Variants in CHRNA4 observed in about 807,000 individuals in gnomAD.
CHRNA4 encodes the protein neuronal acetylcholine receptor subunit alpha-4.
CHRNA4 carries 28 observed loss-of-function variants against 48.9 expected under a neutral mutation model. The observed-to-expected ratio is 0.57, with a 90% confidence interval of 0.42 to 0.79. CHRNA4 has a LOEUF of 0.79. CHRNA4 is among the 30% of genes least tolerant of loss of function. CHRNA4 has a pLI of 0.00. For missense variants in CHRNA4, 859 were observed against 898.4 expected (o/e 0.96, Z 0.56); for synonymous variants, 425 against 402.3 (o/e 1.06, Z -0.68).
At chr20:63,356,140 G>A (rs1324952677) in intron 3 of CHRNA4, 56 bp from the exon 4 acceptor site, 1 of 729,844 alleles carries the variant, frequency 1.4e-6, no homozygotes, top group Non-Finnish European at 2.1e-6. Flanking sequence ...GGGAGGGCAG[G>A]GGCGGGACAG....
chr20:63,344,899 G>A lies in CHRNA4; in HGVS notation c.*1839C>T, dbSNP rs531245810. ...ATGGGGTCCTGAATACACGGGGGATGTGGGAGGGGCCAGGGGGCTGGGGAT... is the reference window on the plus strand; with the variant it reads ...ATGGGGTCCTGAATACACGGGGGATATGGGAGGGGCCAGGGGGCTGGGGAT... On this transcript the variant is annotated 3_prime_UTR_variant, in exon 6 of 6. Transcript: ENST00000370263. The surrounding 1 kb of genome is among the most constrained non-coding windows in gnomAD (Gnocchi z 4.5). The A allele has an allele frequency of 2.5e-6, 1 of 407,636 alleles. No homozygotes were observed. Among genetic ancestry groups the A allele is most frequent in the East Asian group, 7.2e-5 (1 of 13,914 alleles). The allele number at this position is 407,636 out of a possible 1,614,324, so 25.3% of individuals were successfully genotyped here.
chr20:63,358,964 T>A (rs919703354), intron 2 of CHRNA4, among the ~76,000 whole-genome samples: 1 of 152,148 alleles, frequency 6.6e-6, no homozygotes, highest in African/African-American at 2.4e-5. Context: ...TGGGGCTCCA[T>A]GTGCACTGGC....
At position 63,344,489 on chromosome 20, in the gene CHRNA4, A is replaced by G. The variant is rs1211105051; in HGVS notation, c.*2249T>C. 2.1e-5 allele frequency: 9 copies of G among 433,014 alleles called. No individual in the cohort carries two copies. The highest frequency in any genetic ancestry group is 1.2e-4 in the Admixed American group (5 of 40,152). The allele number at this position is 433,014 out of a possible 1,614,324, so 26.8% of individuals were successfully genotyped here. Reference sequence around the variant, plus strand: ...GTGCTTTATTTGGATTTTTTTTTTGAGCCTCAAAAAAAAAAAGAAAGGGAA... The same window carrying G: ...GTGCTTTATTTGGATTTTTTTTTTGGGCCTCAAAAAAAAAAAGAAAGGGAA... On this transcript the variant is annotated 3_prime_UTR_variant, in exon 6 of 6. Transcript: ENST00000370263. The surrounding 1 kb of genome is among the most constrained non-coding windows in gnomAD (Gnocchi z 4.5).
In CHRNA4 at chr20:63,349,973, C is replaced by G; in HGVS notation, c.1438G>C (p.Gly480Arg). ...HMSSPGEAVE[G>R]GVRCRSRSIQ... The stretch of plus-strand genomic sequence containing the variant: ...CTCCGAGACCGGCACCGGACGCCGC[C>G]TTCCACCGCTTCGCCAGGGCTGGAC... The change falls in exon 5 of 6, where the codon GGC becomes CGC. Residue 480 changes from glycine (G) to arginine (R), a missense_variant. Physicochemically the swap from Gly to Arg is moderately radical, Grantham distance 125. Transcript: ENST00000370263. 6.4e-7 allele frequency: 1 copy of G among 1,554,614 alleles called. No homozygotes were observed. The highest frequency in any genetic ancestry group is 8.7e-7 in the Non-Finnish European group (1 of 1,148,592).
intron 5 of CHRNA4, among the ~76,000 whole-genome samples, chr20:63,348,441 G>C (rs6062899): frequency 1.5e-4 from 23 of 152,068 alleles, no homozygotes; most frequent in Non-Finnish European, 2.8e-4. Flanking sequence ...GGCTGTGTGG[G>C]GCGAGCAACT....
rs111286066 is a variant in CHRNA4 at position 63,349,889 on chromosome 20, C to T, written c.1522G>A (p.Gly508Ser). Residue 508 changes from glycine to serine, a missense_variant, in exon 5 of 6, where the codon GGC becomes AGC. Gly to Ser is a moderately conservative substitution (Grantham distance 56, BLOSUM62 0). Coordinates refer to ENST00000370263, the MANE Select transcript of CHRNA4 (RefSeq NM_000744.7). ...AAPEADGQAAGALASRNTHSA... is the reference protein window; with the variant it reads ...AAPEADGQAASALASRNTHSA... ...TGGGTGTTGCGAGAGGCCAGGGCGCCGGCAGCCTGGCCATCTGCCTCGGGG... is the reference window on the plus strand; with the variant it reads ...TGGGTGTTGCGAGAGGCCAGGGCGCTGGCAGCCTGGCCATCTGCCTCGGGG... The T allele has an allele frequency of 1.2e-5, 19 of 1,592,274 alleles. No individual in the cohort carries two copies. The Admixed American group carries it at 1.5e-4, about 13-fold the overall frequency.
rs942959830 is a variant in CHRNA4 at position 63,343,953 on chromosome 20, T to C, written c.*2785A>G. 1.3e-5 allele frequency: 6 copies of C among 454,018 alleles called. No homozygotes were observed. In the Admixed American group the frequency reaches 1.4e-4, roughly 11 times the overall value. The allele number at this position is 454,018 out of a possible 1,614,324, so 28.1% of individuals were successfully genotyped here. On this transcript the variant is annotated 3_prime_UTR_variant, in exon 6 of 6. Transcript: ENST00000370263. ...GAGGAGCAGTCCTGGGTCTGAAAGA[T>C]GTTAAAACATTAACAGATGCAGAAA...
chr20:63,349,623 G>A (rs753761249), intron 5 of CHRNA4, 30 bp downstream of exon 5: 12 of 1,611,914 alleles, frequency 7.4e-6, no homozygotes, highest in Admixed American at 5.0e-5. Flanking sequence ...TGGGTCAGAG[G>A]CGCCCAACAC....
chr20:63,358,813 G>A (rs1054694032), intron 2 of CHRNA4, among the ~76,000 whole-genome samples: 3 of 152,130 alleles, frequency 2.0e-5, no homozygotes, highest in African/African-American at 4.8e-5. Flanking sequence ...CCCCTTACCC[G>A]GCCCCTCCAG....
In CHRNA4 at chr20:63,346,021, G is replaced by A. The variant is rs45556643; in HGVS notation, c.*717C>T. 21,626 of 453,972 alleles carry A rather than the reference G, an allele frequency of 0.048. 694 individuals are homozygous for A. The highest frequency in any genetic ancestry group is 0.091 in the Middle Eastern group (131 of 1,444). The allele number at this position is 453,972 out of a possible 1,614,324, so 28.1% of individuals were successfully genotyped here. A position where few individuals can be genotyped will look rare whatever the true frequency, so the allele number is the denominator to read the frequency against. ...CTGGGTGTTCCTGTCCCCCGCGGAG[G>A]GCCTGCGCAGGGGAGAGCTGGTCCC... is the stretch of plus-strand genomic sequence containing the variant. On this transcript the variant is annotated 3_prime_UTR_variant, in exon 6 of 6. Transcript: ENST00000370263.
Position 63,350,126 on chromosome 20 carries a change from G to A in CHRNA4, c.1285C>T (p.Leu429Phe), listed in dbSNP as rs1316263584. The A allele has an allele frequency of 3.2e-6, 5 of 1,559,032 alleles. No individual in the cohort carries two copies. Among genetic ancestry groups the A allele is most frequent in the Middle Eastern group, 3.4e-4 (2 of 5,848 alleles). Reference sequence around the variant, plus strand: ...GCTTCCAGGGGCTGCTGAGGAGGGAGCTGGTCGGAGGGTGACTTGCAGGAA... The same window carrying A: ...GCTTCCAGGGGCTGCTGAGGAGGGAACTGGTCGGAGGGTGACTTGCAGGAA... ...GPSCKSPSDQ[L>F]PPQQPLEAEK... Residue 429 changes from leucine (L) to phenylalanine (F), a missense_variant, in exon 5 of 6, where the codon CTC becomes TTC. Leu to Phe is a conservative substitution (Grantham distance 22). Around this residue, in one of 3 missense-constraint regions of CHRNA4, gnomAD observed 478 missense variants for 455.4 expected, o/e 1.05. Coordinates refer to ENST00000370263, the MANE Select transcript of CHRNA4 (RefSeq NM_000744.7).
intron 2 of CHRNA4, among the ~76,000 whole-genome samples, chr20:63,359,078 G>A (rs969519166): frequency 1.3e-5 from 2 of 151,980 alleles, no homozygotes; most frequent in Admixed American, 6.5e-5. Flanking sequence ...CTTCGCCCAA[G>A]ACTCCCCCAA....
In CHRNA4 at chr20:63,345,913, G is replaced by T. The variant is rs1178684566; in HGVS notation, c.*825C>A. On this transcript the variant is annotated 3_prime_UTR_variant, in exon 6 of 6. Transcript: ENST00000370263. The surrounding 1 kb of genome is among the most constrained non-coding windows in gnomAD (Gnocchi z 5.4). ...AGTACCCCAGGGGCTGAAGCCACTA[G>T]GCCCCCGTGGAGCCCTGGCCACCTG... 1 of 453,750 alleles carries T rather than the reference G, an allele frequency of 2.2e-6. No individual in the cohort carries two copies. Among genetic ancestry groups the T allele is most frequent in the Non-Finnish European group, 4.4e-6 (1 of 226,644 alleles). The allele number at this position is 453,750 out of a possible 1,614,324, so 28.1% of individuals were successfully genotyped here.
chr20:63,348,481 G>A (rs2068530288), intron 5 of CHRNA4, among the ~76,000 whole-genome samples: 1 of 152,232 alleles, frequency 6.6e-6, no homozygotes. Context: ...TGGAGCACGG[G>A]CCCCTCGCTT....
rs57641753 is a variant in CHRNA4, at chr20:63,359,897, C to CTGTGTG, written c.77-204_77-199dup. The CTGTGTG allele has an allele frequency of 6.3e-3, 2,736 of 433,232 alleles. 11 individuals carry two copies. Among genetic ancestry groups the CTGTGTG allele is most frequent in the African/African-American group, 0.016 (497 of 31,174 alleles). The allele number at this position is 433,232 out of a possible 1,614,324, so 26.8% of individuals were successfully genotyped here. On this transcript the variant is annotated intron_variant, in intron 1 of 5. Coordinates refer to ENST00000370263, the MANE Select transcript of CHRNA4 (RefSeq NM_000744.7). Reference sequence around the variant, plus strand: ...TGTGTGTGTGTGTGCCGGGCGTGTGCTGTGTGTGTGTGTGTGTGTGTGTGT... The same window carrying CTGTGTG: ...TGTGTGTGTGTGTGCCGGGCGTGTGCTGTGTGTGTGTGTGTGTGTGTGTGTGTGTGT...
intron 2 of CHRNA4, 56 bp from the exon 3 acceptor site, chr20:63,356,471 C>G: frequency 1.3e-6 from 2 of 1,527,910 alleles, no homozygotes; most frequent in Non-Finnish European, 1.8e-6. Flanking sequence ...TTCTCTGGCC[C>G]TAGGTTTCCT....
chr20:63,355,449 G>T, intron 4 of CHRNA4: 1 of 1,151,098 alleles, frequency 8.7e-7, no homozygotes, highest in Non-Finnish European at 1.2e-6. Flanking sequence ...AGTATGCAGA[G>T]AAAGCAGAGG....
At chr20:63,351,073 C>T in intron 4 of CHRNA4, 46 bp from the exon 5 acceptor site, 1 of 1,585,402 alleles carries the variant, frequency 6.3e-7, no homozygotes, top group Non-Finnish European at 8.6e-7. Context: ...ACATCCATGC[C>T]CACGTCCACA....
At chr20:63,346,894 G>T (rs199842495) in intron 5 of CHRNA4, 31 bp from the exon 6 acceptor site, 7 of 1,611,304 alleles carry the variant, frequency 4.3e-6, no homozygotes, top group Non-Finnish European at 5.1e-6. Flanking sequence ...ACTCCAGCAC[G>T]GCCCGGCCGC....
Sources: gnomAD v4.1 joint callset for allele counts (sites outside exome capture counted in the v4.1 genomes callset) on GRCh38, gnomAD v4.1.1 for gene constraint, gnomAD v4.1.1 regional missense constraint, Gnocchi (gnomAD v3.1) non-coding constraint, MANE v1.5 for transcripts, NCBI Gene and HGNC (gene_info 2026-07-23, HGNC 2026-07-21) for gene names.